Variants in GRAMD1C observed in about 807,000 individuals in gnomAD.
The protein encoded by GRAMD1C is GRAM domain containing 1C, also known as protein Aster-C.
In GRAMD1C, 89 loss-of-function variants were observed where a neutral mutation model predicts 97.8. The ratio of observed to expected loss-of-function variants is 0.91; its 90% CI spans 0.77 to 1.09. The LOEUF is 1.09. Among genes scored for constraint, GRAMD1C ranks in the 50% least tolerant of loss-of-function variants. The pLI, the probability that GRAMD1C is intolerant of heterozygous loss-of-function variation, is 0.00. For synonymous variants in GRAMD1C, 256 were observed against 267.0 expected (o/e 0.96, Z 0.40); for missense variants, 740 against 766.4 (o/e 0.97, Z 0.41).
chr3:113,831,655 T>G (rs1033400711), intron 1 of GRAMD1C, among the ~76,000 whole-genome samples: 4 of 152,178 alleles, frequency 2.6e-5, no homozygotes, highest in Non-Finnish European at 1.5e-5. Flanking sequence ...TAATCCCAAT[T>G]GACCCACCTT....
intron 5 of GRAMD1C, among the ~76,000 whole-genome samples, chr3:113,878,008 G>C (rs1230671437): frequency 6.6e-6 from 1 of 152,120 alleles, no homozygotes; most frequent in East Asian, 1.9e-4. Flanking sequence ...TTGAACTCCT[G>C]ACCTCAGGCG....
Position 113,940,209 on chromosome 3 carries a change from C to A in GRAMD1C, c.1803-31C>A, listed in dbSNP as rs371286054. ...TGAAAAAAAGATCAGAAGCTATTCT[C>A]CAGATTTTGAAGATGGCATTTTTCT... is the stretch of plus-strand genomic sequence containing the variant. On this transcript the variant is annotated intron_variant, in intron 16 of 17. Transcript: ENST00000358160. 13 of 1,221,296 alleles carry A rather than the reference C, an allele frequency of 1.1e-5. No individual in the cohort carries two copies. The African/African-American group carries it at 1.6e-4, about 15-fold the overall frequency. The allele number at this position is 1,221,296 out of a possible 1,614,324, so 75.7% of individuals were successfully genotyped here.
At chr3:113,938,261 T>C in intron 15 of GRAMD1C, 118 bp downstream of exon 15, 1 of 466,972 alleles carries the variant, frequency 2.1e-6, no homozygotes. Context: ...TATTTGACTA[T>C]TGCCGGCCTA....
upstream of GRAMD1C, among the ~76,000 whole-genome samples, chr3:113,834,502 C>T (rs1309276336): frequency 6.6e-6 from 1 of 152,138 alleles, no homozygotes; most frequent in Non-Finnish European, 1.5e-5. Flanking sequence ...TATAAGAGTC[C>T]TGTATCCCCA....
At position 113,889,748 on chromosome 3, in the gene GRAMD1C, C is replaced by T. The variant is rs2033382; in HGVS notation, c.540+6916C>T. On this transcript the variant is annotated intron_variant, in intron 6 of 17. Transcript: ENST00000358160. ...CTGTCTCCTAGGTTCAAGTGATTCT[C>T]CTGCCTCAGCCTCCCGAGTAGCTGG... Among the ~76,000 whole-genome samples the T allele has an allele frequency of 6.1e-3, 922 of 152,032 alleles. 43 individuals carry two copies. In the East Asian group the frequency reaches 0.13, roughly 22 times the overall value.
At chr3:113,852,668 A>G (rs1053132266) in intron 2 of GRAMD1C, among the ~76,000 whole-genome samples, 4 of 152,230 alleles carry the variant, frequency 2.6e-5, no homozygotes, top group African/African-American at 7.2e-5. Context: ...CCCATAAGCT[A>G]ATGCCGAGGT....
At chr3:113,928,775 C>T (rs370606964) in intron 10 of GRAMD1C, among the ~76,000 whole-genome samples, 12 of 152,360 alleles carry the variant, frequency 7.9e-5, no homozygotes, top group African/African-American at 2.9e-4. Context: ...CTTCCAGGTT[C>T]ATCCTCGTTG....
Position 113,845,470 on chromosome 3 carries a change from T to C in GRAMD1C, c.174+821T>C, listed in dbSNP as rs1240041750. 2.0e-5 allele frequency among the ~76,000 whole-genome samples: 3 copies of C among 152,270 alleles called. No individual in the cohort carries two copies. The East Asian group carries it at 5.8e-4, about 29-fold the overall frequency. On this transcript the variant is annotated intron_variant, in intron 2 of 17. Coordinates refer to ENST00000358160, the MANE Select transcript of GRAMD1C (RefSeq NM_017577.5). ...GTTTTGGGAGGCTGAGGTGGGCAGA[T>C]TGCTTGAGCCCAGGAGTTTGAGACC...
At chr3:113,835,634 T>C (rs1398206710), upstream of GRAMD1C, among the ~76,000 whole-genome samples, 1 of 152,166 alleles carries the variant, frequency 6.6e-6, no homozygotes, top group Non-Finnish European at 1.5e-5. Flanking sequence ...ATACATCTTA[T>C]CTAGAAGGTA....
At chr3:113,901,993 CTGCAA>C (rs559196839) in intron 7 of GRAMD1C, among the ~76,000 whole-genome samples, 143,915 of 152,168 alleles carry the variant, frequency 0.95, 68,170 homozygotes, top group East Asian at 1. Context: ...CTGCAAGTGA[CTGCAA>C]AGCATTTCTT....
chr3:113,892,803 A>G (rs1935789249), intron 6 of GRAMD1C, among the ~76,000 whole-genome samples: 1 of 152,024 alleles, frequency 6.6e-6, no homozygotes, highest in Non-Finnish European at 1.5e-5. Context: ...ATAGTTCAAG[A>G]TAAGTTTTAG....
At chr3:113,911,922 T>G (rs1439997504) in intron 9 of GRAMD1C, among the ~76,000 whole-genome samples, 1 of 151,754 alleles carries the variant, frequency 6.6e-6, no homozygotes, top group Non-Finnish European at 1.5e-5. Context: ...AGAGATGGGG[T>G]TTCACCATGT....
chr3:113,937,513 AT>A (rs1242692283), intron 14 of GRAMD1C, among the ~76,000 whole-genome samples: 2 of 152,172 alleles, frequency 1.3e-5, no homozygotes, highest in African/African-American at 2.4e-5. Flanking sequence ...TGCTTGTTTA[AT>A]TTTAGAGTAA....
At position 113,920,535 on chromosome 3, in the gene GRAMD1C, CTTTATTT is replaced by C. The variant is rs201122183; in HGVS notation, c.1090+4714_1090+4720del. On this transcript the variant is annotated intron_variant, in intron 10 of 17. Coordinates refer to ENST00000358160, the MANE Select transcript of GRAMD1C (RefSeq NM_017577.5). ...AGAAAAATAAATAAAATTAGGGGGT[CTTTATTT>C]TTTATTTTTTATTTTTGAGAGGTAG... 4.2e-4 allele frequency among the ~76,000 whole-genome samples: 64 copies of C among 151,960 alleles called. No homozygotes were observed. The East Asian group carries it at 9.5e-3, about 23-fold the overall frequency.
intron 2 of GRAMD1C, among the ~76,000 whole-genome samples, chr3:113,851,857 T>C (rs936119174): frequency 6.6e-6 from 1 of 151,634 alleles, no homozygotes; most frequent in Admixed American, 6.6e-5. Flanking sequence ...AAGCCTTTAT[T>C]CTGTACTTTA....
intron 6 of GRAMD1C, among the ~76,000 whole-genome samples, chr3:113,889,651 T>C (rs1332949812): frequency 1.3e-5 from 2 of 152,070 alleles, no homozygotes. Flanking sequence ...CTCTTTTTTT[T>C]TTTTTCGAGA....
At chr3:113,850,447 G>T in intron 2 of GRAMD1C, 3 of 1,324,550 alleles carry the variant, frequency 2.3e-6, no homozygotes, top group Non-Finnish European at 3.2e-6. Context: ...CTGGATGGCT[G>T]CAGCGTAGGG....
rs959938051 is a variant in GRAMD1C, at chr3:113,936,458, T to G, written c.1633+16T>G. On this transcript the variant is annotated intron_variant, in intron 14 of 17. Transcript: ENST00000358160. The stretch of plus-strand genomic sequence containing the variant: ...GATATTACAGGTAGTTGTCACCTGG[T>G]AAACAGAGATGAAAGATTTTTACTT... The G allele has an allele frequency of 1.0e-5, 16 of 1,527,048 alleles. No homozygotes were observed. The highest frequency in any genetic ancestry group is 2.8e-5 in the African/African-American group (2 of 72,302). The allele number at this position is 1,527,048 out of a possible 1,614,324, so 94.6% of individuals were successfully genotyped here. A position where few individuals can be genotyped will look rare whatever the true frequency, so the allele number is the denominator to read the frequency against.
chr3:113,913,034 G>C (rs1197996372), intron 9 of GRAMD1C: 1 of 741,340 alleles, frequency 1.3e-6, no homozygotes, highest in African/African-American at 1.8e-5. Flanking sequence ...GGGTAACATA[G>C]AGACTGCTTT....
Sources: allele counts gnomAD v4.1 joint callset (sites outside exome capture counted in the v4.1 genomes callset), GRCh38; gene constraint gnomAD v4.1.1; transcripts MANE v1.5; gene names NCBI Gene and HGNC (gene_info 2026-07-23, HGNC 2026-07-21).